COL15A1: variants seen among roughly 807,000 people sequenced by gnomAD.
COL15A1 encodes the protein collagen type XV alpha 1 chain.
A neutral mutation model predicts 165.9 loss-of-function variants in COL15A1; 111 were observed. That is an observed-to-expected ratio of 0.67 (90% confidence interval 0.57 to 0.78). COL15A1 has a LOEUF of 0.78. Among genes scored for constraint, COL15A1 ranks in the 30% least tolerant of loss-of-function variants. The pLI is 0.00. For synonymous variants in COL15A1, 659 were observed against 674.8 expected, an observed-to-expected ratio of 0.98 and a Z score of 0.36; for missense variants, 1,745 against 1,789.7, an observed-to-expected ratio of 0.98 and a Z score of 0.45.
intron 6 of COL15A1, among the ~76,000 whole-genome samples, chr9:99,000,310 A>G (rs79638728): frequency 0.05 from 7,661 of 151,980 alleles, 436 homozygotes; most frequent in African/African-American, 0.12. Flanking sequence ...ATAAATATAT[A>G]AGCACATACA....
chr9:99,000,691 A>T, intron 6 of COL15A1, 148 bp from the exon 7 acceptor site: 1 of 622,272 alleles, frequency 1.6e-6, no homozygotes, highest in South Asian at 1.9e-5. Context: ...TTTGCCATGT[A>T]TGTTGTTCTG....
intron 16 of COL15A1, among the ~76,000 whole-genome samples, chr9:99,033,090 G>A (rs1245089487): frequency 6.6e-6 from 1 of 152,192 alleles, no homozygotes; most frequent in Non-Finnish European, 1.5e-5. Flanking sequence ...TTTCTTTCTT[G>A]TGTGTTTACT....
At chr9:99,029,388 T>C (rs1218765712) in intron 16 of COL15A1, among the ~76,000 whole-genome samples, 3 of 152,240 alleles carry the variant, frequency 2.0e-5, no homozygotes, top group African/African-American at 7.2e-5. Context: ...AGAAATACAA[T>C]TAGATCATCA....
At chr9:99,034,658 T>C in intron 17 of COL15A1, 74 bp downstream of exon 17, 4 of 1,456,748 alleles carry the variant, frequency 2.7e-6, no homozygotes, top group African/African-American at 1.5e-5. Context: ...TTTACTATAA[T>C]TGGACTGCTG....
intron 2 of COL15A1, among the ~76,000 whole-genome samples, chr9:98,961,591 G>A (rs1001253881): frequency 6.6e-5 from 10 of 152,192 alleles, no homozygotes; most frequent in Non-Finnish European, 1.5e-4. Flanking sequence ...GGAAGGCAGG[G>A]TGAAGTTTCT....
Position 99,003,575 on chromosome 9 carries a change from A to AG in COL15A1, c.1192dup (p.Val398GlyfsTer7). 1 of 1,529,506 alleles carries AG rather than the reference A, an allele frequency of 6.5e-7. No homozygotes were observed. The highest frequency in any genetic ancestry group is 8.8e-7 in the Non-Finnish European group (1 of 1,137,072). 94.7% of individuals were successfully genotyped at this position (1,529,506 alleles called of 1,614,324 possible). On this transcript the variant is annotated frameshift_variant, in exon 8 of 42. Transcript: ENST00000375001. LOFTEE classifies it high-confidence loss of function. ...CTATGTCCACGGAGAACCCAGAGGA[A>AG]GGGGTCACTCCAGTAAGTAGCTCAG... is the stretch of plus-strand genomic sequence containing the variant.
intron 21 of COL15A1, among the ~76,000 whole-genome samples, chr9:99,037,912 A>G (rs1839330855): frequency 6.6e-6 from 1 of 152,160 alleles, no homozygotes; most frequent in Non-Finnish European, 1.5e-5. Context: ...GGCAGAGGAT[A>G]GTGCACATGG....
Position 99,044,608 on chromosome 9 carries a change from T to C in COL15A1, c.2615T>C (p.Ile872Thr). 6.2e-7 allele frequency: 1 copy of C among 1,614,070 alleles called. No homozygotes were observed. Among genetic ancestry groups the C allele is most frequent in the Non-Finnish European group, 8.5e-7 (1 of 1,179,978 alleles). The change falls in exon 25 of 42, where the codon ATT (isoleucine) becomes ACT (threonine). Residue 872 changes from isoleucine to threonine, a missense_variant. By Grantham distance (89) the Ile-to-Thr change is moderately conservative. Coordinates refer to ENST00000375001, the MANE Select transcript of COL15A1 (RefSeq NM_001855.5). Reference protein sequence around the residue: ...GEPGAILTEDIPLERLMGKKG... With the variant: ...GEPGAILTEDTPLERLMGKKG... ...CCGGGTGCCATCCTGACAGAGGACA[T>C]TCCTCTGGAAAGGCTGATGGGGAAA...
intron 39 of COL15A1, among the ~76,000 whole-genome samples, chr9:99,064,853 A>C (rs537916362): frequency 1.3e-5 from 2 of 152,332 alleles, no homozygotes; most frequent in African/African-American, 4.8e-5. Context: ...AAAAGCCCCA[A>C]AGTTAGGGCA....
At chr9:98,978,580 G>A (rs1838182369) in intron 2 of COL15A1, among the ~76,000 whole-genome samples, 1 of 152,178 alleles carries the variant, frequency 6.6e-6, no homozygotes. Context: ...TTAAACCGTG[G>A]AGGAAAGAAA....
chr9:99,024,832 G>A (rs1463061447), intron 14 of COL15A1, 42 bp from the exon 15 acceptor site: 7 of 1,590,502 alleles, frequency 4.4e-6, no homozygotes, highest in South Asian at 2.3e-5. Context: ...TATCTCATTC[G>A]GTATTCCCCC....
chr9:99,026,250 T>A (rs978376075), intron 16 of COL15A1, among the ~76,000 whole-genome samples: 4 of 152,172 alleles, frequency 2.6e-5, no homozygotes, highest in African/African-American at 9.6e-5. Flanking sequence ...TAACTCCTCC[T>A]TCCCTCCCTT....
intron 14 of COL15A1, 63 bp from the exon 15 acceptor site, chr9:99,024,811 C>T: frequency 6.4e-7 from 1 of 1,552,048 alleles, no homozygotes; most frequent in Non-Finnish European, 8.8e-7. Context: ...TTGCATGAAG[C>T]ACATACTCAG....
intron 5 of COL15A1, among the ~76,000 whole-genome samples, chr9:98,995,871 A>G (rs995939956): frequency 1.3e-5 from 2 of 152,212 alleles, no homozygotes; most frequent in Non-Finnish European, 2.9e-5. Context: ...GCCTTCAAGT[A>G]GTTCTTTATT....
chr9:98,951,038 C>A (rs1189197270), intron 2 of COL15A1, among the ~76,000 whole-genome samples: 30 of 152,264 alleles, frequency 2.0e-4, no homozygotes, highest in South Asian at 1.0e-3. Context: ...TCTAACCACC[C>A]CACTCTTGCT....
Position 99,069,916 on chromosome 9 carries a change from CA to C in COL15A1, c.*32del, listed in dbSNP as rs762439951. 6.5e-7 allele frequency: 1 copy of C among 1,545,358 alleles called. No homozygotes were observed. The highest frequency in any genetic ancestry group is 8.8e-7 in the Non-Finnish European group (1 of 1,130,422). ...CTTCTGATGATTCTTAAAGAGTTTT[CA>C]ATTTTTTCTTATGTGAAGAGTTGAC... is the stretch of plus-strand genomic sequence containing the variant. On this transcript the variant is annotated 3_prime_UTR_variant, in exon 42 of 42. Coordinates refer to ENST00000375001, the MANE Select transcript of COL15A1 (RefSeq NM_001855.5).
intron 2 of COL15A1, among the ~76,000 whole-genome samples, chr9:98,963,831 A>C (rs1837905329): frequency 6.6e-6 from 1 of 152,208 alleles, no homozygotes; most frequent in African/African-American, 2.4e-5. Flanking sequence ...CATCCATCCC[A>C]CAAAGTTAAG....
At chr9:99,009,759 C>T (rs1838820368) in intron 9 of COL15A1, among the ~76,000 whole-genome samples, 1 of 152,030 alleles carries the variant, frequency 6.6e-6, no homozygotes, top group Admixed American at 6.6e-5. Flanking sequence ...CTAATAAAAA[C>T]AACAGGAGGC....
intron 12 of COL15A1, among the ~76,000 whole-genome samples, chr9:99,020,937 G>C (rs1292164477): frequency 6.6e-6 from 1 of 152,250 alleles, no homozygotes; most frequent in African/African-American, 2.4e-5. Flanking sequence ...TGGAGGTGGT[G>C]ATGATGACCC....
Sources: allele counts gnomAD v4.1 joint callset (sites outside exome capture counted in the v4.1 genomes callset), GRCh38; gene constraint gnomAD v4.1.1; transcripts MANE v1.5; gene names NCBI Gene and HGNC (gene_info 2026-07-23, HGNC 2026-07-21).